LRRC8E: variants seen among roughly 807,000 people sequenced by gnomAD.
The protein encoded by LRRC8E is volume-regulated anion channel subunit LRRC8E.
Under a neutral mutation model 6.1 loss-of-function variants are expected in LRRC8E, and 6 were observed. That is an observed-to-expected ratio of 0.98 (90% CI 0.54 to 1.93). The LOEUF is 1.93. Ranked by LOEUF, LRRC8E falls within the 30% of genes most tolerant of loss-of-function variation. The pLI, the probability that LRRC8E is intolerant of heterozygous loss-of-function variation, is 0.01. For synonymous variants in LRRC8E, 485 were observed against 472.8 expected (o/e 1.03, Z -0.33); for missense variants, 1,028 against 1,031.4 (o/e 1.00, Z 0.04).
rs1307213636 is a variant in LRRC8E at position 7,899,252 on chromosome 19, C to G, written c.730C>G (p.His244Asp). ...LFEKVKKFRM[H>D]VEEGDILYTM... ...TGAGAAGGTGAAGAAGTTCCGCATG[C>G]ACGTGGAAGAGGGCGACATCCTGTA... The change falls in exon 3 of 3, where the codon CAC (histidine) becomes GAC (aspartate). Residue 244 changes from histidine to aspartate, a missense_variant. Coordinates refer to ENST00000306708, the MANE Select transcript of LRRC8E (RefSeq NM_025061.6). 5 of 1,614,076 alleles carry G rather than the reference C, an allele frequency of 3.1e-6. No individual in the cohort carries two copies. Among genetic ancestry groups the G allele is most frequent in the Non-Finnish European group, 4.2e-6 (5 of 1,180,040 alleles).
intron 2 of LRRC8E, among the ~76,000 whole-genome samples, chr19:7,897,010 C>T (rs372510422): frequency 6.6e-6 from 1 of 152,186 alleles, no homozygotes; most frequent in East Asian, 1.9e-4. Flanking sequence ...CTTAAATAAC[C>T]AGAAATGTTT....
intron 2 of LRRC8E, among the ~76,000 whole-genome samples, chr19:7,897,692 T>G (rs1289559086): frequency 7.0e-6 from 1 of 143,168 alleles, no homozygotes; most frequent in African/African-American, 2.5e-5. Flanking sequence ...CACGTCATCT[T>G]CTGTCTTTGT....
chr19:7,898,960 T>G lies in LRRC8E; in HGVS notation c.438T>G (p.Ile146Met), dbSNP rs1981763180. Residue 146 changes from isoleucine to methionine, a missense_variant, in exon 3 of 3, where the codon ATT (isoleucine) becomes ATG (methionine). Physicochemically the swap from Ile to Met is conservative, Grantham distance 10 (BLOSUM62 1). Coordinates refer to ENST00000306708, the MANE Select transcript of LRRC8E (RefSeq NM_025061.6). ...AGTTCCCTGGCACCAGCTCCAAGAT[T>G]GAACACTTCATCTCCATCCTGGGCA... Reference protein sequence around the residue: ...WFKFPGTSSKIEHFISILGKC... With the variant: ...WFKFPGTSSKMEHFISILGKC... 6.2e-7 allele frequency: 1 copy of G among 1,614,182 alleles called. No individual in the cohort carries two copies. The highest frequency in any genetic ancestry group is 8.5e-7 in the Non-Finnish European group (1 of 1,180,040).
Position 7,898,739 on chromosome 19 carries a change from C to T in LRRC8E, c.217C>T (p.Leu73=), listed in dbSNP as rs1981743222. 6.2e-7 allele frequency: 1 copy of T among 1,614,048 alleles called. No homozygotes were observed. ...ATCAGAGGCCCCGTGCCAGCAATTG[C>T]TGCCTCGGGGGATCCCTGAGCAGAT... is the stretch of plus-strand genomic sequence containing the variant. ...NLSEAPCQQL[L]PRGIPEQIGA... The change falls in exon 3 of 3, where the codon CTG becomes TTG. Residue 73 remains leucine (L), a synonymous_variant. Transcript: ENST00000306708.
Position 7,891,602 on chromosome 19 carries a change from TTTTTG to T in LRRC8E, c.-6+3017_-6+3021del, listed in dbSNP as rs554129996. Among the ~76,000 whole-genome samples, 535 of 151,676 alleles carry T rather than the reference TTTTTG, an allele frequency of 3.5e-3. 1 individual carries two copies. Among genetic ancestry groups the T allele is most frequent in the Admixed American group, 7.9e-3 (120 of 15,184 alleles). On this transcript the variant is annotated intron_variant, in intron 1 of 2. Coordinates refer to ENST00000306708, the MANE Select transcript of LRRC8E (RefSeq NM_025061.6). Reference sequence around the variant, plus strand: ...CTTCTGCAGCCTCCAGAGTCAGGAGTTTTTGTTTTGTTTTGTTTTTTTGAGACGGA... The same window carrying T: ...CTTCTGCAGCCTCCAGAGTCAGGAGTTTTTGTTTTGTTTTTTTGAGACGGA...
In LRRC8E at chr19:7,899,558, T is replaced by C; in HGVS notation, c.1036T>C (p.Ser346Pro). Reference sequence around the variant, plus strand: ...GCCCCTCAAGGAGTACTCCTTCCGTTCCGTGCGGGAGGAGACTGGCATGGG... The same window carrying C: ...GCCCCTCAAGGAGTACTCCTTCCGTCCCGTGCGGGAGGAGACTGGCATGGG... ...HRPLKEYSFR[S>P]VREETGMGDI... is the part of the protein sequence containing the mutation. The change falls in exon 3 of 3, where the codon TCC (serine) becomes CCC (proline). Residue 346 changes from serine to proline, a missense_variant. Physicochemically the swap from Ser to Pro is moderately conservative, Grantham distance 74. Transcript: ENST00000306708. 1 of 1,613,900 alleles carries C rather than the reference T, an allele frequency of 6.2e-7. No individual in the cohort carries two copies. The highest frequency in any genetic ancestry group is 1.6e-4 in the Middle Eastern group (1 of 6,062).
rs1332714454 is a variant in LRRC8E at position 7,900,828 on chromosome 19, G to A, written c.2306G>A (p.Gly769Glu). 1 of 1,578,370 alleles carries A rather than the reference G, an allele frequency of 6.3e-7. No homozygotes were observed. The highest frequency in any genetic ancestry group is 8.6e-7 in the Non-Finnish European group (1 of 1,162,562). ...CCAGAAGAACTTGGCAACTGTGGGGGGCTCAAGAAGGCGGGGCTCCTGGTG... is the reference window on the plus strand; with the variant it reads ...CCAGAAGAACTTGGCAACTGTGGGGAGCTCAAGAAGGCGGGGCTCCTGGTG... ...ALPEELGNCGGLKKAGLLVED... is the reference protein window; with the variant it reads ...ALPEELGNCGELKKAGLLVED... Residue 769 changes from glycine (G) to glutamate (E), a missense_variant, in exon 3 of 3, where the codon GGG becomes GAG. Gly to Glu is a moderately conservative substitution (Grantham distance 98, BLOSUM62 -2). Transcript: ENST00000306708. The surrounding 1 kb of genome is among the most constrained non-coding windows in gnomAD (Gnocchi z 5.0).
intron 1 of LRRC8E, among the ~76,000 whole-genome samples, chr19:7,891,547 TTGTG>T (rs914111723): frequency 1.5e-4 from 14 of 91,686 alleles, no homozygotes; most frequent in East Asian, 3.9e-4. Flanking sequence ...GTGTGTGTGT[TTGTG>T]TGTGTGTGTG....
rs2053133855 is a variant in LRRC8E at position 7,901,589 on chromosome 19, G to C, written c.*676G>C. The C allele has an allele frequency of 6.6e-6, 1 of 151,982 alleles. No homozygotes were observed. The allele number at this position is 151,982 out of a possible 1,614,324, so 9.4% of individuals were successfully genotyped here. ...TATGTTGGGAAATGCTGACGTAAAG[G>C]TATCAGGGCCGGGCGCTGTGGCTCA... is the stretch of plus-strand genomic sequence containing the variant. On this transcript the variant is annotated 3_prime_UTR_variant, in exon 3 of 3. Coordinates refer to ENST00000306708, the MANE Select transcript of LRRC8E (RefSeq NM_025061.6).
chr19:7,899,907 T>C lies in LRRC8E; in HGVS notation c.1385T>C (p.Leu462Ser). ...CCGGGGCTGTCACAGCTGGTGCACTTGCAGGAGCTCAGCTTGCTCCACTCG... is the reference window on the plus strand; with the variant it reads ...CCGGGGCTGTCACAGCTGGTGCACTCGCAGGAGCTCAGCTTGCTCCACTCG... ...FPPGLSQLVH[L>S]QELSLLHSPA... Residue 462 changes from leucine to serine, a missense_variant, in exon 3 of 3, where the codon TTG (leucine) becomes TCG (serine). Physicochemically the swap from Leu to Ser is moderately radical, Grantham distance 145 (BLOSUM62 -2). Transcript: ENST00000306708. 1 of 1,608,034 alleles carries C rather than the reference T, an allele frequency of 6.2e-7. No homozygotes were observed. Among genetic ancestry groups the C allele is most frequent in the Non-Finnish European group, 8.5e-7 (1 of 1,179,988 alleles).
Position 7,899,181 on chromosome 19 carries a change from T to C in LRRC8E, c.659T>C (p.Val220Ala). The change falls in exon 3 of 3, where the codon GTC becomes GCC. Residue 220 changes from valine to alanine, a missense_variant. Physicochemically the swap from Val to Ala is moderately conservative, Grantham distance 64 (BLOSUM62 0). Coordinates refer to ENST00000306708, the MANE Select transcript of LRRC8E (RefSeq NM_025061.6). ...AAGGTGGTGACCGAGCCTCCAGTTG[T>C]CACCCTGTTGGACAAGAAGGAGGGT... Reference protein sequence around the residue: ...PEKVVTEPPVVTLLDKKEGEQ... With the variant: ...PEKVVTEPPVATLLDKKEGEQ... 1 of 1,614,110 alleles carries C rather than the reference T, an allele frequency of 6.2e-7. No homozygotes were observed.
intron 2 of LRRC8E, among the ~76,000 whole-genome samples, chr19:7,896,268 T>C (rs1981589701): frequency 6.7e-6 from 1 of 148,258 alleles, no homozygotes; most frequent in African/African-American, 2.5e-5. Flanking sequence ...TTTTTTTTTT[T>C]CTTTTTGGCT....
At position 7,895,003 on chromosome 19, in the gene LRRC8E, G is replaced by A. The variant is rs1317697775; in HGVS notation, c.-5-596G>A. 1 of 152,808 alleles carries A rather than the reference G, an allele frequency of 6.5e-6. No individual in the cohort carries two copies. The highest frequency in any genetic ancestry group is 2.4e-5 in the African/African-American group (1 of 41,478). 9.5% of individuals were successfully genotyped at this position (152,808 alleles called of 1,614,324 possible). On this transcript the variant is annotated intron_variant, in intron 1 of 2. Transcript: ENST00000306708. This position sits in a 1 kb window ranked among gnomAD's most constrained non-coding sequence, Gnocchi z 4.7. ...TACCCCCAGGGCTGACTAGCCTTCAGCTTGGCAGTCCCTGCCCCTGGGGCC... is the reference window on the plus strand; with the variant it reads ...TACCCCCAGGGCTGACTAGCCTTCAACTTGGCAGTCCCTGCCCCTGGGGCC...
chr19:7,896,574 A>C (rs1049555294), intron 2 of LRRC8E, among the ~76,000 whole-genome samples: 1 of 150,528 alleles, frequency 6.6e-6, no homozygotes, highest in African/African-American at 2.4e-5. Context: ...ACTCCATCTT[A>C]AAAAAAATAA....
rs917502170 is a variant in LRRC8E at position 7,901,889 on chromosome 19, G to A, written c.*976G>A. 1 of 152,146 alleles carries A rather than the reference G, an allele frequency of 6.6e-6. No individual in the cohort carries two copies. The highest frequency in any genetic ancestry group is 1.5e-5 in the Non-Finnish European group (1 of 68,036). 9.4% of individuals were successfully genotyped at this position (152,146 alleles called of 1,614,324 possible). A position where few individuals can be genotyped will look rare whatever the true frequency, so the allele number is the denominator to read the frequency against. The stretch of plus-strand genomic sequence containing the variant: ...GATTTCCCCCAGAGAGCTATTCAAG[G>A]ACTTCCTAAGGTGGGTGGACTGCAG... On this transcript the variant is annotated 3_prime_UTR_variant, in exon 3 of 3. Coordinates refer to ENST00000306708, the MANE Select transcript of LRRC8E (RefSeq NM_025061.6).
chr19:7,892,004 A>C (rs1434897844), intron 1 of LRRC8E, among the ~76,000 whole-genome samples: 1 of 151,818 alleles, frequency 6.6e-6, no homozygotes, highest in Admixed American at 6.6e-5. Flanking sequence ...GGTTCAAGCA[A>C]TCCTCCCACC....
chr19:7,899,447 T>G lies in LRRC8E; in HGVS notation c.925T>G (p.Phe309Val). 1 of 1,614,176 alleles carries G rather than the reference T, an allele frequency of 6.2e-7. No individual in the cohort carries two copies. Among genetic ancestry groups the G allele is most frequent in the Non-Finnish European group, 8.5e-7 (1 of 1,180,036 alleles). The change falls in exon 3 of 3, where the codon TTC (phenylalanine) becomes GTC (valine). Residue 309 changes from phenylalanine to valine, a missense_variant. Coordinates refer to ENST00000306708, the MANE Select transcript of LRRC8E (RefSeq NM_025061.6). ...CTGCAACCACACCAAGGCCCACCTC[T>G]TCTCCAAGCTGGCCTTCTGTTACAT... ...FCCNHTKAHL[F>V]SKLAFCYISF...
At chr19:7,897,930 G>A (rs1249932261) in intron 2 of LRRC8E, among the ~76,000 whole-genome samples, 2 of 152,084 alleles carry the variant, frequency 1.3e-5, no homozygotes, top group African/African-American at 4.8e-5. Context: ...CCAGTGCTTT[G>A]TCAGTTGTGG....
At position 7,900,477 on chromosome 19, in the gene LRRC8E, T is replaced by G; in HGVS notation, c.1955T>G (p.Leu652Arg). The change falls in exon 3 of 3, where the codon CTC becomes CGC. Residue 652 changes from leucine to arginine, a missense_variant. Transcript: ENST00000306708. The surrounding 1 kb of genome is among the most constrained non-coding windows in gnomAD (Gnocchi z 5.0). ...IAYVPEHVRKLRSLEQLYLSY... is the reference protein window; with the variant it reads ...IAYVPEHVRKRRSLEQLYLSY... The stretch of plus-strand genomic sequence containing the variant: ...TACGTCCCTGAGCACGTGCGGAAGC[T>G]CAGGAGCCTGGAGCAGCTCTACCTC... The G allele has an allele frequency of 6.2e-7, 1 of 1,612,918 alleles. No individual in the cohort carries two copies.
Sources: gnomAD v4.1 joint callset for allele counts (sites outside exome capture counted in the v4.1 genomes callset) on GRCh38, gnomAD v4.1.1 for gene constraint, Gnocchi (gnomAD v3.1) non-coding constraint, MANE v1.5 for transcripts, NCBI Gene and HGNC (gene_info 2026-07-23, HGNC 2026-07-21) for gene names.